The following RORB variants were observed in gnomAD, a reference collection of about 807,000 sequenced individuals.
RORB encodes RAR related orphan receptor B.
A neutral mutation model predicts 59.1 loss-of-function variants in RORB; 6 were observed. The observed-to-expected ratio is 0.10, with a 90% confidence interval of 0.06 to 0.20. The LOEUF is 0.20. Ranked by LOEUF, RORB falls within the 10% of genes least tolerant of loss-of-function variation. RORB has a pLI of 1.00. For synonymous variants in RORB, 215 were observed against 204.5 expected (o/e 1.05, Z -0.44); for missense variants, 320 against 560.5 (o/e 0.57, Z 4.33).
chr9:74,614,177 A>G (rs1257395498), intron 1 of RORB, among the ~76,000 whole-genome samples: 2 of 152,024 alleles, frequency 1.3e-5, no homozygotes, highest in Non-Finnish European at 2.9e-5. Context: ...ACTAATTTAC[A>G]CTCCACCAAC....
chr9:74,672,598 T>C (rs1321180276), intron 9 of RORB, among the ~76,000 whole-genome samples: 1 of 152,166 alleles, frequency 6.6e-6, no homozygotes. Context: ...AGAATGATCT[T>C]TAATAAGAGT....
intron 1 of RORB, among the ~76,000 whole-genome samples, chr9:74,562,389 T>C (rs1822408489): frequency 6.6e-6 from 1 of 152,250 alleles, no homozygotes; most frequent in South Asian, 2.1e-4. Flanking sequence ...GAATAAATTG[T>C]TGTATCTGTA....
Position 74,692,146 on chromosome 9 carries a change from C to T in RORB, c.*6528C>T, listed in dbSNP as rs1824749653. The T allele has an allele frequency of 6.6e-6, 1 of 152,094 alleles. No homozygotes were observed. Among genetic ancestry groups the T allele is most frequent in the Admixed American group, 6.5e-5 (1 of 15,276 alleles). The allele number at this position is 152,094 out of a possible 1,614,324, so 9.4% of individuals were successfully genotyped here. On this transcript the variant is annotated 3_prime_UTR_variant, in exon 10 of 10. Transcript: ENST00000376896. ...ATTTGCTGAAGCCATAACTGACCTT[C>T]ACCAAATAAATGTTGTAAAGAACCT...
chr9:74,661,229 T>A (rs1824174816), intron 5 of RORB, among the ~76,000 whole-genome samples: 1 of 152,206 alleles, frequency 6.6e-6, no homozygotes, highest in African/African-American at 2.4e-5. Context: ...ATTTTCATTA[T>A]TACACTGTGT....
intron 1 of RORB, among the ~76,000 whole-genome samples, chr9:74,547,298 C>T (rs1038618686): frequency 6.6e-6 from 1 of 151,890 alleles, no homozygotes; most frequent in Non-Finnish European, 1.5e-5. Flanking sequence ...GTGGTTTGAA[C>T]TTGGAGGGAA....
intron 1 of RORB, among the ~76,000 whole-genome samples, chr9:74,580,775 A>G (rs918790213): frequency 2.6e-5 from 4 of 152,308 alleles, no homozygotes; most frequent in Non-Finnish European, 4.4e-5. Context: ...TAGTGATGTC[A>G]TCTTACCTTG....
intron 1 of RORB, among the ~76,000 whole-genome samples, chr9:74,577,121 A>G (rs1055217243): frequency 1.3e-5 from 2 of 152,174 alleles, no homozygotes; most frequent in African/African-American, 4.8e-5. Flanking sequence ...ATGTTTACCC[A>G]TTAAAAACTA....
At chr9:74,500,847 T>C (rs761368183) in intron 1 of RORB, among the ~76,000 whole-genome samples, 23 of 152,160 alleles carry the variant, frequency 1.5e-4, no homozygotes, top group Non-Finnish European at 2.9e-4. Flanking sequence ...CGCAGTTGCT[T>C]ACTCTAGCCT....
intron 1 of RORB, among the ~76,000 whole-genome samples, chr9:74,513,519 C>A (rs1177561611): frequency 6.6e-6 from 1 of 151,766 alleles, no homozygotes; most frequent in Non-Finnish European, 1.5e-5. Flanking sequence ...ATAATTCAAT[C>A]TAGAAGGAAT....
intron 3 of RORB, among the ~76,000 whole-genome samples, chr9:74,640,386 C>A (rs1227060208): frequency 6.6e-6 from 1 of 152,008 alleles, no homozygotes; most frequent in Non-Finnish European, 1.5e-5. Flanking sequence ...GAAGACAAAG[C>A]ACACACCACC....
intron 1 of RORB, among the ~76,000 whole-genome samples, chr9:74,626,344 A>G (rs1463640821): frequency 6.6e-6 from 1 of 152,252 alleles, no homozygotes; most frequent in Non-Finnish European, 1.5e-5. Flanking sequence ...ACACTGTCAT[A>G]ATATTGTTTC....
At chr9:74,526,420 C>G (rs1283563469) in intron 1 of RORB, among the ~76,000 whole-genome samples, 1 of 151,852 alleles carries the variant, frequency 6.6e-6, no homozygotes, top group East Asian at 1.9e-4. Flanking sequence ...GCTCGCCTTC[C>G]TTCCCCTGCT....
intron 1 of RORB, among the ~76,000 whole-genome samples, chr9:74,608,636 C>T (rs1264941564): frequency 1.3e-5 from 2 of 151,782 alleles, no homozygotes; most frequent in Non-Finnish European, 2.9e-5. Flanking sequence ...ATAACTTTCC[C>T]TCTGATGAAA....
chr9:74,562,395 CTGTAATA>C (rs1019641493), intron 1 of RORB, among the ~76,000 whole-genome samples: 10 of 152,246 alleles, frequency 6.6e-5, no homozygotes, highest in African/African-American at 2.2e-4. Flanking sequence ...ATTGTTGTAT[CTGTAATA>C]TGTATTACTG....
At chr9:74,574,079 C>T (rs1822593947) in intron 1 of RORB, among the ~76,000 whole-genome samples, 1 of 152,064 alleles carries the variant, frequency 6.6e-6, no homozygotes, top group Non-Finnish European at 1.5e-5. Context: ...AGATGATGTC[C>T]GTTCTAGATT....
At position 74,618,804 on chromosome 9, in the gene RORB, C is replaced by T. The variant is rs142695437; in HGVS notation, c.8-11478C>T. 3.9e-3 allele frequency among the ~76,000 whole-genome samples: 587 copies of T among 151,950 alleles called. 1 individual carries two copies. Among genetic ancestry groups the T allele is most frequent in the African/African-American group, 0.013 (545 of 41,430 alleles). ...GGGTGGAAGGCCAAAGGTTATTGTCCCAACCTTTGATTTGTCTGACTCCAA... is the reference window on the plus strand; with the variant it reads ...GGGTGGAAGGCCAAAGGTTATTGTCTCAACCTTTGATTTGTCTGACTCCAA... On this transcript the variant is annotated intron_variant, in intron 1 of 9. Transcript: ENST00000376896.
At position 74,681,581 on chromosome 9, in the gene RORB, T is replaced by C. The variant is rs73650034; in HGVS notation, c.1225-3882T>C. On this transcript the variant is annotated intron_variant, in intron 9 of 9. Coordinates refer to ENST00000376896, the MANE Select transcript of RORB (RefSeq NM_006914.4). ...CATTCTATAGATGAGCAACAGGAACTAGATCCAAATCGCATAAAAGAAGGC... is the reference window on the plus strand; with the variant it reads ...CATTCTATAGATGAGCAACAGGAACCAGATCCAAATCGCATAAAAGAAGGC... Among the ~76,000 whole-genome samples, 440 of 152,330 alleles carry C rather than the reference T, an allele frequency of 2.9e-3. 1 individual carries two copies. The highest frequency in any genetic ancestry group is 9.4e-3 in the African/African-American group (389 of 41,586).
chr9:74,651,989 G>T (rs531442380), intron 4 of RORB, among the ~76,000 whole-genome samples: 3 of 152,158 alleles, frequency 2.0e-5, no homozygotes, highest in African/African-American at 7.2e-5. Context: ...GTTAAATAAA[G>T]AAAGCACCCT....
At chr9:74,607,694 C>G (rs1823169944) in intron 1 of RORB, among the ~76,000 whole-genome samples, 1 of 152,036 alleles carries the variant, frequency 6.6e-6, no homozygotes, top group African/African-American at 2.4e-5. Context: ...ACATGCACTG[C>G]AGACACTATA....
Sources: allele counts gnomAD v4.1 joint callset (sites outside exome capture counted in the v4.1 genomes callset), GRCh38; gene constraint gnomAD v4.1.1; transcripts MANE v1.5; gene names NCBI Gene and HGNC (gene_info 2026-07-23, HGNC 2026-07-21).